ACSL6: variants seen among roughly 807,000 people sequenced by gnomAD.
ACSL6 encodes acyl-CoA synthetase long chain family member 6.
A neutral mutation model predicts 98.2 loss-of-function variants in ACSL6; 47 were observed. The observed-to-expected ratio is 0.48, with a 90% confidence interval of 0.38 to 0.61. The LOEUF (loss-of-function observed/expected upper bound fraction) is 0.61, where lower values mean the gene tolerates loss of function less well. ACSL6 is among the 20% of genes least tolerant of loss of function. ACSL6 has a pLI of 0.00. For missense variants in ACSL6, 761 were observed against 913.4 expected, an observed-to-expected ratio of 0.83 and a Z score of 2.15; for synonymous variants, 362 against 336.9, an observed-to-expected ratio of 1.07 and a Z score of -0.82.
rs1752095074 is a variant in ACSL6 at position 131,950,300 on chromosome 5, A to G, written c.*3934T>C. ...TTTGGTACCAAGTTTAGAAATGCTCACATTTCAAATATTTATCTACTGCCT... is the reference window on the plus strand; with the variant it reads ...TTTGGTACCAAGTTTAGAAATGCTCGCATTTCAAATATTTATCTACTGCCT... On this transcript the variant is annotated 3_prime_UTR_variant, in exon 21 of 21. Coordinates refer to ENST00000651883, the MANE Select transcript of ACSL6 (RefSeq NM_001009185.3). 1 of 204,998 alleles carries G rather than the reference A, an allele frequency of 4.9e-6. No individual in the cohort carries two copies. The highest frequency in any genetic ancestry group is 1.0e-5 in the Non-Finnish European group (1 of 100,068). 12.7% of individuals were successfully genotyped at this position (204,998 alleles called of 1,614,324 possible).
chr5:131,958,396 A>G (rs1190420106), intron 20 of ACSL6, among the ~76,000 whole-genome samples: 4 of 152,356 alleles, frequency 2.6e-5, no homozygotes, highest in Non-Finnish European at 5.9e-5. Flanking sequence ...AGGAAGGGCA[A>G]TGAAGTCAGT....
intron 20 of ACSL6, among the ~76,000 whole-genome samples, chr5:131,956,968 A>T (rs1752441910): frequency 6.6e-6 from 1 of 152,190 alleles, no homozygotes; most frequent in Non-Finnish European, 1.5e-5. Flanking sequence ...CAGGATTTTT[A>T]AAAATAATTC....
At chr5:131,995,354 A>G (rs1754743037) in intron 1 of ACSL6, among the ~76,000 whole-genome samples, 1 of 152,192 alleles carries the variant, frequency 6.6e-6, no homozygotes, top group Non-Finnish European at 1.5e-5. Flanking sequence ...TGAGGAAAGT[A>G]TCAAGGGTGG....
intron 20 of ACSL6, among the ~76,000 whole-genome samples, chr5:131,956,621 G>T (rs1017115799): frequency 2.6e-5 from 4 of 152,068 alleles, no homozygotes; most frequent in African/African-American, 9.7e-5. Flanking sequence ...AAAAATATAG[G>T]CAGTAAGTGG....
Position 131,988,209 on chromosome 5 carries a change from T to C in ACSL6, c.670A>G (p.Ile224Val), listed in dbSNP as rs763558939. The C allele has an allele frequency of 1.2e-6, 2 of 1,614,112 alleles. No individual in the cohort carries two copies. Among genetic ancestry groups the C allele is most frequent in the Admixed American group, 1.7e-5 (1 of 60,016 alleles). Residue 224 changes from isoleucine (I) to valine (V), a missense_variant, in exon 7 of 21, where the codon ATT becomes GTT. By Grantham distance (29) the Ile-to-Val change is conservative. Coordinates refer to ENST00000651883, the MANE Select transcript of ACSL6 (RefSeq NM_001009185.3). ...ACAGCCTTCTGAGGTTTGTCCACAATCACGGTGCTGATGTCCGCTGCAGGG... is the reference window on the plus strand; with the variant it reads ...ACAGCCTTCTGAGGTTTGTCCACAACCACGGTGCTGATGTCCGCTGCAGGG... ...IINTADISTVIVDKPQKAVLL... is the reference protein window; with the variant it reads ...IINTADISTVVVDKPQKAVLL...
intron 9 of ACSL6, among the ~76,000 whole-genome samples, chr5:131,979,318 T>A (rs1212402940): frequency 6.6e-6 from 1 of 152,184 alleles, no homozygotes; most frequent in Non-Finnish European, 1.5e-5. Context: ...TGTCATGAAA[T>A]AAGAGTCCTG....
intron 13 of ACSL6, among the ~76,000 whole-genome samples, chr5:131,971,869 C>A (rs1034283612): frequency 1.3e-5 from 2 of 152,112 alleles, no homozygotes; most frequent in Non-Finnish European, 2.9e-5. Flanking sequence ...ACCATATGAC[C>A]AATTCTTTTA....
chr5:131,986,780 C>A lies in ACSL6; in HGVS notation c.864+42G>T, dbSNP rs73786737. ...GGACTCTGTGAGGACAGGCCCTGCA[C>A]GCCATCTCGCTCAATAAAGACCTGC... On this transcript the variant is annotated intron_variant, in intron 8 of 20. Transcript: ENST00000651883. The A allele has an allele frequency of 3.7e-5, 59 of 1,612,764 alleles. No individual in the cohort carries two copies. In the African/African-American group the frequency reaches 4.0e-4, roughly 11 times the overall value.
rs1346134745 is a variant in ACSL6 at position 131,989,630 on chromosome 5, C to G, written c.451-122G>C. 3 of 675,508 alleles carry G rather than the reference C, an allele frequency of 4.4e-6. No homozygotes were observed. In the East Asian group the frequency reaches 9.2e-5, roughly 21 times the overall value. 41.8% of individuals were successfully genotyped at this position (675,508 alleles called of 1,614,324 possible). A position where few individuals can be genotyped will look rare whatever the true frequency, so the allele number is the denominator to read the frequency against. ...TTTTTTTTTGAGATGGAGTCTCGAT[C>G]TATCACCCAGGCTGGAGTGCAATGG... On this transcript the variant is annotated intron_variant, in intron 4 of 20. Coordinates refer to ENST00000651883, the MANE Select transcript of ACSL6 (RefSeq NM_001009185.3).
At chr5:131,987,108 AG>A (rs1303776640) in intron 7 of ACSL6, among the ~76,000 whole-genome samples, 4 of 152,172 alleles carry the variant, frequency 2.6e-5, no homozygotes, top group Non-Finnish European at 5.9e-5. Flanking sequence ...ACATGACCTC[AG>A]TGGCCTCTTC....
intron 10 of ACSL6, 160 bp from the exon 11 acceptor site, chr5:131,975,130 G>C (rs949875218): frequency 7.1e-7 from 1 of 1,415,676 alleles, no homozygotes; most frequent in Non-Finnish European, 9.3e-7. Flanking sequence ...TGAGATGAAA[G>C]AGAGAAGAAA....
At chr5:131,991,298 C>T (rs1406747174) in intron 2 of ACSL6, among the ~76,000 whole-genome samples, 1 of 152,124 alleles carries the variant, frequency 6.6e-6, no homozygotes, top group Non-Finnish European at 1.5e-5. Context: ...AATGTTCGTA[C>T]ACACCCATGT....
At chr5:132,001,252 G>C (rs1353789784) in intron 1 of ACSL6, among the ~76,000 whole-genome samples, 2 of 152,194 alleles carry the variant, frequency 1.3e-5, no homozygotes, top group African/African-American at 4.8e-5. Flanking sequence ...TTCACCCCAA[G>C]CAGTGTGCAG....
chr5:131,969,520 A>G (rs1355671875), intron 15 of ACSL6, among the ~76,000 whole-genome samples: 1 of 152,226 alleles, frequency 6.6e-6, no homozygotes, highest in African/African-American at 2.4e-5. Context: ...GTTATGCACA[A>G]AAGAAGTAAT....
Position 131,988,213 on chromosome 5 carries a change from G to T in ACSL6, c.666C>A (p.Thr222=), listed in dbSNP as rs1045894704. The change falls in exon 7 of 21, where the codon ACC becomes ACA. Residue 222 remains threonine (T), a synonymous_variant. Transcript: ENST00000651883. ...CCTTCTGAGGTTTGTCCACAATCAC[G>T]GTGCTGATGTCCGCTGCAGGGGGCC... The part of the protein sequence containing the change: ...RYIINTADIS[T]VIVDKPQKAV... 1.2e-6 allele frequency: 2 copies of T among 1,614,122 alleles called. No individual in the cohort carries two copies. Among genetic ancestry groups the T allele is most frequent in the East Asian group, 4.5e-5 (2 of 44,882 alleles).
intron 15 of ACSL6, 45 bp downstream of exon 15, chr5:131,970,083 C>G: frequency 6.3e-7 from 1 of 1,587,602 alleles, no homozygotes. Flanking sequence ...TGCTTTTACT[C>G]CACAGTGCCT....
chr5:131,992,851 T>G (rs1312480277), intron 2 of ACSL6, among the ~76,000 whole-genome samples: 1 of 152,240 alleles, frequency 6.6e-6, no homozygotes, highest in African/African-American at 2.4e-5. Flanking sequence ...CAAAAACAGC[T>G]GTCCTTAGTG....
At chr5:132,007,096 CAT>C (rs979352919) in intron 1 of ACSL6, 3 of 151,842 alleles carry the variant, frequency 2.0e-5, no homozygotes, top group Admixed American at 2.0e-4. Context: ...GGGTTGGGGA[CAT>C]AGACATGAGA....
intron 1 of ACSL6, among the ~76,000 whole-genome samples, chr5:132,002,697 C>T (rs189207858): frequency 1.3e-5 from 2 of 152,076 alleles, no homozygotes; most frequent in Admixed American, 1.3e-4. Context: ...GAGAACAGGG[C>T]TATCGAAGAG....
Sources: allele counts gnomAD v4.1 joint callset (sites outside exome capture counted in the v4.1 genomes callset), GRCh38; gene constraint gnomAD v4.1.1; transcripts MANE v1.5; gene names NCBI Gene and HGNC (gene_info 2026-07-23, HGNC 2026-07-21).